CRB1: variants seen among roughly 807,000 people sequenced by gnomAD.
CRB1 encodes protein crumbs homolog 1.
In CRB1, 83 loss-of-function variants were observed where a neutral mutation model predicts 120.0. The ratio of observed to expected loss-of-function variants is 0.69; its 90% CI spans 0.58 to 0.83. The LOEUF is 0.83. Among genes scored for constraint, CRB1 ranks in the 40% least tolerant of loss-of-function variants. The pLI, the probability that CRB1 is intolerant of heterozygous loss-of-function variation, is 0.00. For synonymous variants in CRB1, 625 were observed against 612.5 expected, an observed-to-expected ratio of 1.02 and a Z score of -0.30; for missense variants, 1,699 against 1,687.6, an observed-to-expected ratio of 1.01 and a Z score of -0.12.
At chr1:197,329,689 C>T (rs1658738706) in intron 2 of CRB1, among the ~76,000 whole-genome samples, 1 of 152,210 alleles carries the variant, frequency 6.6e-6, no homozygotes, top group Admixed American at 6.5e-5. Flanking sequence ...TTTTGAATCA[C>T]TGTTACTGTT....
At chr1:197,288,695 A>G (rs2125233141) in intron 1 of CRB1, among the ~76,000 whole-genome samples, 1 of 152,050 alleles carries the variant, frequency 6.6e-6, no homozygotes, top group East Asian at 1.9e-4. Context: ...GACGAAAAGT[A>G]CGTTGGAAGA....
At chr1:197,244,272 A>G in the CRB1 span, among the ~76,000 whole-genome samples, 1 of 152,056 alleles carries the variant, frequency 6.6e-6, no homozygotes. Context: ...CAAAGTATGG[A>G]TGGTCTTTAC....
chr1:197,327,483 T>C (rs953821048), intron 1 of CRB1, among the ~76,000 whole-genome samples: 2 of 152,192 alleles, frequency 1.3e-5, no homozygotes, highest in African/African-American at 4.8e-5. Context: ...AAATTACCAA[T>C]ATGGCTATTT....
At chr1:197,386,214 A>G (rs1353252895) in intron 5 of CRB1, among the ~76,000 whole-genome samples, 1 of 152,096 alleles carries the variant, frequency 6.6e-6, no homozygotes, top group African/African-American at 2.4e-5. Context: ...AGAACTGGTT[A>G]CGTAATTGTT....
At chr1:197,424,342 T>G (rs145092284) in intron 6 of CRB1, among the ~76,000 whole-genome samples, 11 of 152,146 alleles carry the variant, frequency 7.2e-5, no homozygotes, top group Non-Finnish European at 1.5e-4. Flanking sequence ...CTGGAACACA[T>G]GCAAATAAAA....
intron 2 of CRB1, among the ~76,000 whole-genome samples, chr1:197,336,117 C>G (rs1043911741): frequency 2.6e-5 from 4 of 152,212 alleles, no homozygotes; most frequent in African/African-American, 7.2e-5. Context: ...GTCCTATCAG[C>G]ACTTCTTTTA....
At chr1:197,440,768 C>T (rs908989519) in intron 10 of CRB1, 4 of 152,130 alleles carry the variant, frequency 2.6e-5, no homozygotes, top group African/African-American at 9.7e-5. Flanking sequence ...TCTCTCCTGC[C>T]TTGGTTAAAC....
At chr1:197,365,632 T>C (rs1661029572) in intron 5 of CRB1, among the ~76,000 whole-genome samples, 1 of 151,090 alleles carries the variant, frequency 6.6e-6, no homozygotes, top group Admixed American at 6.6e-5. Context: ...TCTTCTTTTT[T>C]TTTTTTTTTT....
At chr1:197,233,245 C>T in the CRB1 span, among the ~76,000 whole-genome samples, 5 of 152,116 alleles carry the variant, frequency 3.3e-5, no homozygotes, top group Non-Finnish European at 7.4e-5. Context: ...GGTCTGATCT[C>T]TACAAAACTG....
intron 5 of CRB1, among the ~76,000 whole-genome samples, chr1:197,415,729 G>A (rs1369150067): frequency 3.0e-5 from 4 of 133,704 alleles, no homozygotes; most frequent in South Asian, 2.5e-4. Context: ...TGCGAGCTCC[G>A]CCTCCCGGGT....
At chr1:197,240,819 A>G in the CRB1 span, among the ~76,000 whole-genome samples, 1,086 of 152,278 alleles carry the variant, frequency 7.1e-3, 19 homozygotes, top group Non-Finnish European at 8.2e-3. Flanking sequence ...GAACTAATTT[A>G]TATTCCCACC....
chr1:197,208,696 C>G, the CRB1 span, among the ~76,000 whole-genome samples: 1 of 152,116 alleles, frequency 6.6e-6, no homozygotes, highest in Non-Finnish European at 1.5e-5. Context: ...GGCCTCTAGC[C>G]AGGAGGTGAT....
chr1:197,243,737 T>C, the CRB1 span, among the ~76,000 whole-genome samples: 3 of 152,286 alleles, frequency 2.0e-5, no homozygotes, highest in East Asian at 5.8e-4. Flanking sequence ...TTGTTAATTT[T>C]CTGTCTCGTT....
chr1:197,226,956 A>G, the CRB1 span, among the ~76,000 whole-genome samples: 1 of 152,124 alleles, frequency 6.6e-6, no homozygotes, highest in Non-Finnish European at 1.5e-5. Flanking sequence ...ATGGGGGGAA[A>G]CTGCCCCCAT....
Position 197,434,768 on chromosome 1 carries a change from A to T in CRB1, c.2905A>T (p.Ile969Phe). 1 of 1,613,714 alleles carries T rather than the reference A, an allele frequency of 6.2e-7. No homozygotes were observed. Among genetic ancestry groups the T allele is most frequent in the Non-Finnish European group, 8.5e-7 (1 of 1,179,702 alleles). ...AATATTATTCAGAAGCAATGGGAAT[A>T]TTACCAGAGAACTCACCAATATCAC... is the stretch of plus-strand genomic sequence containing the variant. ...GQILFRSNGN[I>F]TRELTNITFG... The change falls in exon 9 of 12, where the codon ATT becomes TTT. Residue 969 changes from isoleucine (I) to phenylalanine (F), a missense_variant. Physicochemically the swap from Ile to Phe is conservative, Grantham distance 21 (BLOSUM62 0). Transcript: ENST00000367400.
chr1:197,313,164 CA>C (rs958557918), intron 1 of CRB1, among the ~76,000 whole-genome samples: 3 of 152,126 alleles, frequency 2.0e-5, no homozygotes, highest in African/African-American at 7.2e-5. Context: ...GGGGAAGTGC[CA>C]CACACTTTTA....
chr1:197,218,180 C>A, the CRB1 span, among the ~76,000 whole-genome samples: 1 of 152,182 alleles, frequency 6.6e-6, no homozygotes, highest in Non-Finnish European at 1.5e-5. Flanking sequence ...CAGAGCTTGC[C>A]ACCTATGCCG....
At chr1:197,477,220 T>C (rs1403355601) in intron 11 of CRB1, among the ~76,000 whole-genome samples, 1 of 152,234 alleles carries the variant, frequency 6.6e-6, no homozygotes, top group Non-Finnish European at 1.5e-5. Flanking sequence ...TTAATTTCTT[T>C]CCTTTCCCAA....
At chr1:197,394,965 ACT>A (rs1273721908) in intron 5 of CRB1, among the ~76,000 whole-genome samples, 6 of 151,932 alleles carry the variant, frequency 3.9e-5, no homozygotes, top group Non-Finnish European at 7.4e-5. Context: ...TAAATAAATA[ACT>A]CTGACTTAAT....
Sources: allele counts gnomAD v4.1 joint callset (sites outside exome capture counted in the v4.1 genomes callset), GRCh38; gene constraint gnomAD v4.1.1; transcripts MANE v1.5; gene names NCBI Gene and HGNC (gene_info 2026-07-23, HGNC 2026-07-21).